MALRD1: variants seen among roughly 807,000 people sequenced by gnomAD.
MALRD1 encodes the protein MAM and LDL receptor class A domain containing 1, also known as MAM and LDL-receptor class A domain-containing protein 1.
In MALRD1, 247 loss-of-function variants were observed where a neutral mutation model predicts 242.1. That is an observed-to-expected ratio of 1.02 (90% confidence interval 0.92 to 1.13). MALRD1 has a LOEUF of 1.13. Among genes scored for constraint, MALRD1 ranks in the 50% most tolerant of loss-of-function variants. The pLI, the probability that MALRD1 is intolerant of heterozygous loss-of-function variation, is 0.00. For missense variants in MALRD1, 2,989 were observed against 2,533.1 expected, an observed-to-expected ratio of 1.18 and a Z score of -3.86; for synonymous variants, 995 against 866.6, an observed-to-expected ratio of 1.15 and a Z score of -2.60.
intron 14 of MALRD1, among the ~76,000 whole-genome samples, chr10:19,188,419 G>A (rs896517117): frequency 6.6e-6 from 1 of 152,130 alleles, no homozygotes; most frequent in Non-Finnish European, 1.5e-5. Flanking sequence ...TTCTGTGATT[G>A]TATATCTGAA....
At chr10:19,294,892 G>A (rs995793568) in intron 21 of MALRD1, among the ~76,000 whole-genome samples, 4 of 151,970 alleles carry the variant, frequency 2.6e-5, no homozygotes, top group African/African-American at 9.7e-5. Flanking sequence ...TCATGATATG[G>A]ACATTATGCA....
intron 36 of MALRD1, among the ~76,000 whole-genome samples, chr10:19,640,915 G>A (rs189721854): frequency 2.8e-3 from 433 of 152,130 alleles, no homozygotes; most frequent in African/African-American, 1.0e-2. Context: ...TTTTGTATAT[G>A]AAAAAAATAG....
intron 36 of MALRD1, among the ~76,000 whole-genome samples, chr10:19,670,194 A>G (rs2131757540): frequency 6.6e-6 from 1 of 152,168 alleles, no homozygotes; most frequent in Non-Finnish European, 1.5e-5. Flanking sequence ...GGAAGTTAAA[A>G]ATTACTCCAA....
At chr10:19,422,892 G>A (rs1442119444) in intron 28 of MALRD1, among the ~76,000 whole-genome samples, 2 of 152,132 alleles carry the variant, frequency 1.3e-5, no homozygotes, top group African/African-American at 4.8e-5. Flanking sequence ...GTTTGGGCCT[G>A]CACTCTGTTT....
At chr10:19,677,043 C>T (rs1052387540) in intron 36 of MALRD1, among the ~76,000 whole-genome samples, 1 of 152,088 alleles carries the variant, frequency 6.6e-6, no homozygotes, top group Non-Finnish European at 1.5e-5. Flanking sequence ...ATATGTACCA[C>T]ATTTTTTTTT....
At chr10:19,581,460 A>G (rs985045348) in intron 33 of MALRD1, among the ~76,000 whole-genome samples, 14 of 150,840 alleles carry the variant, frequency 9.3e-5, no homozygotes, top group African/African-American at 3.4e-4. Flanking sequence ...ATGAATGAGA[A>G]TATGTGGTGT....
intron 35 of MALRD1, among the ~76,000 whole-genome samples, chr10:19,609,655 A>G (rs1365009015): frequency 6.6e-6 from 1 of 152,086 alleles, no homozygotes; most frequent in Non-Finnish European, 1.5e-5. Flanking sequence ...CAGGCTACAT[A>G]TATTTCAATG....
intron 31 of MALRD1, among the ~76,000 whole-genome samples, chr10:19,520,393 CCTT>C (rs1444323384): frequency 2.0e-5 from 3 of 149,956 alleles, no homozygotes; most frequent in African/African-American, 7.3e-5. Flanking sequence ...TTTTTTCTGT[CCTT>C]CTTAGTTACT....
chr10:19,564,765 G>T (rs1278772012), intron 32 of MALRD1, among the ~76,000 whole-genome samples: 3 of 151,928 alleles, frequency 2.0e-5, no homozygotes, highest in African/African-American at 7.3e-5. Context: ...TAGCCATTGT[G>T]GTTTTTCAAA....
At chr10:19,378,880 T>G (rs899527429) in intron 26 of MALRD1, among the ~76,000 whole-genome samples, 3 of 152,090 alleles carry the variant, frequency 2.0e-5, no homozygotes, top group African/African-American at 7.2e-5. Flanking sequence ...ACATGTTGGG[T>G]TACTATTCTT....
intron 32 of MALRD1, among the ~76,000 whole-genome samples, chr10:19,531,954 C>A (rs578247532): frequency 6.6e-6 from 1 of 152,068 alleles, no homozygotes; most frequent in African/African-American, 2.4e-5. Context: ...ATCAGCACAC[C>A]ACACCTAGTG....
intron 5 of MALRD1, among the ~76,000 whole-genome samples, chr10:19,108,112 G>A (rs1358589221): frequency 6.6e-6 from 1 of 151,948 alleles, no homozygotes; most frequent in Non-Finnish European, 1.5e-5. Context: ...TTCTCCCTCT[G>A]GAAATTGTAT....
intron 21 of MALRD1, among the ~76,000 whole-genome samples, chr10:19,313,808 A>T (rs61492111): frequency 0.041 from 6,282 of 151,588 alleles, 212 homozygotes; most frequent in African/African-American, 0.094. Flanking sequence ...ATGTCATACA[A>T]TATTGAAACA....
At chr10:19,462,209 T>C (rs923138418) in intron 29 of MALRD1, among the ~76,000 whole-genome samples, 1 of 152,190 alleles carries the variant, frequency 6.6e-6, no homozygotes, top group Non-Finnish European at 1.5e-5. Context: ...ATTTTTCAAA[T>C]GCAAACCAAC....
intron 5 of MALRD1, among the ~76,000 whole-genome samples, chr10:19,106,556 TTTTG>T (rs768013484): frequency 3.9e-5 from 6 of 151,940 alleles, no homozygotes; most frequent in African/African-American, 1.2e-4. Context: ...TGTTTGTCAA[TTTTG>T]TTTATCTTTT....
intron 31 of MALRD1, among the ~76,000 whole-genome samples, chr10:19,515,058 C>T (rs1467989309): frequency 6.6e-6 from 1 of 150,956 alleles, no homozygotes; most frequent in Non-Finnish European, 1.5e-5. Flanking sequence ...CATTTTGAAA[C>T]AGCCATTTCT....
intron 4 of MALRD1, among the ~76,000 whole-genome samples, chr10:19,099,032 A>G (rs1263063666): frequency 2.0e-5 from 3 of 152,102 alleles, no homozygotes; most frequent in Non-Finnish European, 2.9e-5. Flanking sequence ...TTATTATGCA[A>G]ATGGGTTCTC....
chr10:19,193,582 T>C (rs1370056313), intron 14 of MALRD1, among the ~76,000 whole-genome samples: 1 of 151,980 alleles, frequency 6.6e-6, no homozygotes, highest in Non-Finnish European at 1.5e-5. Flanking sequence ...AAAATGGAAT[T>C]ATTAAATTGT....
At chr10:19,576,964 GTTTT>G (rs11331552) in intron 33 of MALRD1, among the ~76,000 whole-genome samples, 2 of 123,408 alleles carry the variant, frequency 1.6e-5, no homozygotes, top group African/African-American at 3.0e-5. Flanking sequence ...CCACATTGTC[GTTTT>G]TTTTTTTTTT....
Sources: allele counts gnomAD v4.1 joint callset (sites outside exome capture counted in the v4.1 genomes callset), GRCh38; gene constraint gnomAD v4.1.1; transcripts MANE v1.5; gene names NCBI Gene and HGNC (gene_info 2026-07-23, HGNC 2026-07-21).